Variants in PCDH15 observed in about 807,000 individuals in gnomAD.
PCDH15 encodes the protein protocadherin-15.
In PCDH15, 129 loss-of-function variants were observed where a neutral mutation model predicts 178.5. The observed-to-expected ratio is 0.72, with a 90% CI of 0.63 to 0.84. PCDH15 has a LOEUF of 0.84. Ranked by LOEUF, PCDH15 falls within the 40% of genes least tolerant of loss-of-function variation. The probability of loss-of-function intolerance (pLI) is 0.00; values close to 1 mark genes in which losing one functional copy is unlikely to be tolerated. For missense variants in PCDH15, 2,230 were observed against 2,099.9 expected, an observed-to-expected ratio of 1.06 and a Z score of -1.21; for synonymous variants, 800 against 732.0, an observed-to-expected ratio of 1.09 and a Z score of -1.50.
At chr10:53,985,363 T>C (rs925974333) in intron 21 of PCDH15, among the ~76,000 whole-genome samples, 6 of 152,220 alleles carry the variant, frequency 3.9e-5, no homozygotes, top group African/African-American at 1.4e-4. Context: ...CACAGTTGTA[T>C]AGGAATCTCT....
intron 1 of PCDH15, among the ~76,000 whole-genome samples, chr10:54,723,379 C>T (rs1591290033): frequency 6.6e-6 from 1 of 151,810 alleles, no homozygotes; most frequent in East Asian, 1.9e-4. Context: ...ATATCTCTCA[C>T]TGTGTACAAA....
intron 2 of PCDH15, among the ~76,000 whole-genome samples, chr10:55,484,554 T>C (rs1034361459): frequency 2.3e-4 from 35 of 151,652 alleles, no homozygotes; most frequent in African/African-American, 1.2e-4. Context: ...TCCTAAAATA[T>C]GTATGGAACC....
At chr10:54,592,809 A>G (rs2091968228) in intron 2 of PCDH15, among the ~76,000 whole-genome samples, 1 of 152,146 alleles carries the variant, frequency 6.6e-6, no homozygotes, top group Non-Finnish European at 1.5e-5. Flanking sequence ...ATTCCCATCA[A>G]TATGTCTTCC....
intron 9 of PCDH15, among the ~76,000 whole-genome samples, chr10:54,232,422 T>C (rs1328409284): frequency 6.6e-6 from 1 of 152,162 alleles, no homozygotes; most frequent in Non-Finnish European, 1.5e-5. Flanking sequence ...CAGTAACAGG[T>C]AGTTATTTAT....
At chr10:54,232,260 C>T (rs2054152887) in intron 9 of PCDH15, among the ~76,000 whole-genome samples, 3 of 152,100 alleles carry the variant, frequency 2.0e-5, no homozygotes, top group Non-Finnish European at 2.9e-5. Context: ...GTGTGTAGTA[C>T]CACCCCTTCT....
chr10:54,345,218 T>C (rs1010905145), intron 6 of PCDH15, among the ~76,000 whole-genome samples: 9 of 152,038 alleles, frequency 5.9e-5, no homozygotes, highest in African/African-American at 2.2e-4. Context: ...ACAATTTACT[T>C]AACATAATGC....
At chr10:54,030,735 C>G (rs865886263) in intron 18 of PCDH15, among the ~76,000 whole-genome samples, 2 of 151,968 alleles carry the variant, frequency 1.3e-5, no homozygotes, top group African/African-American at 2.4e-5. Flanking sequence ...TGGTCTTGTT[C>G]TAACCTATCT....
intron 15 of PCDH15, among the ~76,000 whole-genome samples, chr10:54,118,827 A>G (rs932389448): frequency 6.6e-6 from 1 of 151,866 alleles, no homozygotes; most frequent in Non-Finnish European, 1.5e-5. Flanking sequence ...CGCCTCAGCC[A>G]CTTGAAAATA....
chr10:55,308,861 G>A lies in PCDH15; in HGVS notation c.-156+10738C>T, dbSNP rs138973026. ...CATAGAATTATAACACAGTTTCAAAGGTAAGCTATTTTGAACTTGTGGCCA... is the reference window on the plus strand; with the variant it reads ...CATAGAATTATAACACAGTTTCAAAAGTAAGCTATTTTGAACTTGTGGCCA... On this transcript the variant is annotated intron_variant, in intron 1 of 5. Coordinates refer to the PCDH15 transcript ENST00000458638. Among the ~76,000 whole-genome samples, 158 of 152,242 alleles carry A rather than the reference G, an allele frequency of 1.0e-3. 3 individuals carry two copies. Among genetic ancestry groups the A allele is most frequent in the African/African-American group, 3.6e-3 (148 of 41,556 alleles).
intron 2 of PCDH15, among the ~76,000 whole-genome samples, chr10:54,984,111 G>A (rs1235849781): frequency 6.6e-6 from 1 of 152,156 alleles, no homozygotes; most frequent in African/African-American, 2.4e-5. Context: ...GGGCTCAGAA[G>A]CTGACACCCC....
At chr10:54,074,242 T>C (rs2094299075) in intron 17 of PCDH15, among the ~76,000 whole-genome samples, 1 of 152,206 alleles carries the variant, frequency 6.6e-6, no homozygotes, top group African/African-American at 2.4e-5. Flanking sequence ...TGTTGTGGTA[T>C]TAAGTATATT....
At chr10:55,134,899 T>G (rs1278141730) in intron 2 of PCDH15, among the ~76,000 whole-genome samples, 2 of 152,158 alleles carry the variant, frequency 1.3e-5, no homozygotes, top group Non-Finnish European at 2.9e-5. Flanking sequence ...AACAAAAATT[T>G]AGAATCTTCA....
At chr10:54,696,266 C>T (rs2095221606) in intron 1 of PCDH15, among the ~76,000 whole-genome samples, 1 of 151,982 alleles carries the variant, frequency 6.6e-6, no homozygotes, top group African/African-American at 2.4e-5. Flanking sequence ...ATAATACCTA[C>T]AGATGTGGTA....
At chr10:55,514,987 A>ATAGAT (rs1554879756) in intron 2 of PCDH15, among the ~76,000 whole-genome samples, 66 of 120,236 alleles carry the variant, frequency 5.5e-4, no homozygotes, top group East Asian at 3.7e-3. Flanking sequence ...AGATAGATAG[A>ATAGAT]TTTTTTTTTT....
chr10:55,413,033 C>A (rs151323898), intron 2 of PCDH15, among the ~76,000 whole-genome samples: 1,819 of 151,758 alleles, frequency 0.012, 46 homozygotes, highest in African/African-American at 0.042. Flanking sequence ...CGTCATCTAA[C>A]ATATGCATCA....
chr10:54,367,142 A>C (rs182493314), intron 5 of PCDH15, among the ~76,000 whole-genome samples: 1 of 152,200 alleles, frequency 6.6e-6, no homozygotes, highest in East Asian at 1.9e-4. Context: ...GTGTGAGCAA[A>C]GGCTAAGAAA....
At chr10:55,465,023 G>A (rs1450688877) in intron 2 of PCDH15, among the ~76,000 whole-genome samples, 1 of 151,968 alleles carries the variant, frequency 6.6e-6, no homozygotes, top group Non-Finnish European at 1.5e-5. Context: ...AAACCCTGTT[G>A]TGGATCTGAC....
chr10:54,345,554 A>G (rs1439129541), intron 6 of PCDH15, among the ~76,000 whole-genome samples: 1 of 151,840 alleles, frequency 6.6e-6, no homozygotes, highest in Non-Finnish European at 1.5e-5. Context: ...AAAAAATCTT[A>G]CTTTGTCTGT....
At chr10:54,320,061 C>T (rs772864513) in intron 7 of PCDH15, among the ~76,000 whole-genome samples, 17 of 151,932 alleles carry the variant, frequency 1.1e-4, no homozygotes, top group Admixed American at 3.3e-4. Context: ...TTCAAAGTTT[C>T]GGAACTCACT....
Sources: gnomAD v4.1 joint callset for allele counts (sites outside exome capture counted in the v4.1 genomes callset) on GRCh38, gnomAD v4.1.1 for gene constraint, MANE v1.5 for transcripts, NCBI Gene and HGNC (gene_info 2026-07-23, HGNC 2026-07-21) for gene names.